The following PRKN variants were observed in gnomAD, a reference collection of about 807,000 sequenced individuals.
PRKN encodes the protein E3 ubiquitin-protein ligase parkin.
Under a neutral mutation model 59.5 loss-of-function variants are expected in PRKN, and 56 were observed. That is an observed-to-expected ratio of 0.94 (90% confidence interval 0.76 to 1.18). The LOEUF is 1.18. Ranked by LOEUF, PRKN falls within the 50% of genes most tolerant of loss-of-function variation. PRKN has a pLI of 0.00. For missense variants in PRKN, 657 were observed against 596.4 expected (o/e 1.10, Z -1.06); for synonymous variants, 250 against 222.1 (o/e 1.13, Z -1.12).
chr6:161,872,492 C>T (rs906151939), intron 6 of PRKN, among the ~76,000 whole-genome samples: 4 of 152,116 alleles, frequency 2.6e-5, no homozygotes, highest in Non-Finnish European at 5.9e-5. Flanking sequence ...ATCAGACATA[C>T]CTCATAGCCA....
At chr6:162,118,759 T>C (rs1780781751) in intron 4 of PRKN, among the ~76,000 whole-genome samples, 1 of 152,218 alleles carries the variant, frequency 6.6e-6, no homozygotes. Context: ...AGCCTACGAT[T>C]CTCTGAATAA....
At chr6:161,408,934 G>C (rs994409867) in intron 9 of PRKN, among the ~76,000 whole-genome samples, 9 of 151,988 alleles carry the variant, frequency 5.9e-5, no homozygotes, top group South Asian at 2.1e-4. Flanking sequence ...TATTAAGGAG[G>C]CCACATTTTA....
chr6:162,011,480 A>ATAT (rs1782708012), intron 5 of PRKN, among the ~76,000 whole-genome samples: 1 of 15,828 alleles, frequency 6.3e-5, no homozygotes, highest in Non-Finnish European at 1.0e-4. Context: ...TATATAATAT[A>ATAT]TTATAATATA....
intron 7 of PRKN, among the ~76,000 whole-genome samples, chr6:161,776,799 A>C (rs572020362): frequency 4.6e-5 from 7 of 152,130 alleles, no homozygotes; most frequent in Non-Finnish European, 8.8e-5. Context: ...ATCTGGGTTA[A>C]ACTCTCAGCT....
chr6:162,204,284 C>G (rs1425400015), intron 3 of PRKN, among the ~76,000 whole-genome samples: 1 of 152,068 alleles, frequency 6.6e-6, no homozygotes, highest in African/African-American at 2.4e-5. Context: ...TCTCGTCAAA[C>G]CAATTTAGGT....
chr6:161,977,579 T>A (rs1222373176), intron 5 of PRKN, among the ~76,000 whole-genome samples: 1 of 148,812 alleles, frequency 6.7e-6, no homozygotes, highest in East Asian at 2.0e-4. Context: ...ACAGAGTCTT[T>A]TCTGTCGCCC....
In PRKN at chr6:161,356,782, T is replaced by C. The variant is rs375822643; in HGVS notation, c.1285+3306A>G. On this transcript the variant is annotated intron_variant, in intron 11 of 11. Transcript: ENST00000366898. The surrounding 1 kb of genome is among the most constrained non-coding windows in gnomAD (Gnocchi z 7.8). ...CAGCTAGCACTCTGCTTTGTGAAAT[T>C]TGAGCTGTCCATTGAACAATCAGTG... is the stretch of plus-strand genomic sequence containing the variant. Among the ~76,000 whole-genome samples the C allele has an allele frequency of 3.3e-5, 5 of 152,092 alleles. No homozygotes were observed. The highest frequency in any genetic ancestry group is 1.2e-4 in the African/African-American group (5 of 41,396).
At chr6:161,780,451 A>T (rs1157956488) in intron 7 of PRKN, among the ~76,000 whole-genome samples, 1 of 152,252 alleles carries the variant, frequency 6.6e-6, no homozygotes, top group African/African-American at 2.4e-5. Flanking sequence ...GGTTATCCCA[A>T]GGGAACAGGG....
At chr6:161,539,276 A>G (rs192516258) in intron 9 of PRKN, among the ~76,000 whole-genome samples, 168 of 152,312 alleles carry the variant, frequency 1.1e-3, no homozygotes, top group Non-Finnish European at 2.0e-3. Flanking sequence ...CAGAGACCCT[A>G]TTTTGCGAAG....
chr6:162,549,842 T>G (rs969341971), intron 1 of PRKN, among the ~76,000 whole-genome samples: 3 of 152,148 alleles, frequency 2.0e-5, no homozygotes, highest in Non-Finnish European at 4.4e-5. Context: ...TTTCACCACG[T>G]TGGCCAGGCT....
At chr6:162,103,788 G>C (rs147294652) in intron 4 of PRKN, among the ~76,000 whole-genome samples, 1 of 152,186 alleles carries the variant, frequency 6.6e-6, no homozygotes. Flanking sequence ...GAGAGTGGCA[G>C]TGTTTAGCAC....
At chr6:162,123,410 A>C (rs1399389681) in intron 4 of PRKN, among the ~76,000 whole-genome samples, 1 of 152,164 alleles carries the variant, frequency 6.6e-6, no homozygotes, top group Non-Finnish European at 1.5e-5. Context: ...ACAAATATAA[A>C]CTTATCAGTT....
At chr6:161,959,249 G>C (rs1780293511) in intron 6 of PRKN, among the ~76,000 whole-genome samples, 1 of 152,146 alleles carries the variant, frequency 6.6e-6, no homozygotes, top group Non-Finnish European at 1.5e-5. Context: ...GTGTGGCCAG[G>C]GATGGCCTCT....
chr6:161,697,882 T>G (rs1173761622), intron 7 of PRKN, among the ~76,000 whole-genome samples: 1 of 152,216 alleles, frequency 6.6e-6, no homozygotes, highest in East Asian at 1.9e-4. Flanking sequence ...TACATTTTTA[T>G]TTTTCATTTT....
chr6:161,398,747 A>C (rs890405690), intron 9 of PRKN, among the ~76,000 whole-genome samples: 1 of 152,154 alleles, frequency 6.6e-6, no homozygotes, highest in Non-Finnish European at 1.5e-5. Context: ...GGCCTCACAG[A>C]GTTCACAGTC....
chr6:162,188,396 C>A (rs895773524), intron 4 of PRKN, among the ~76,000 whole-genome samples: 2 of 152,118 alleles, frequency 1.3e-5, no homozygotes, highest in African/African-American at 2.4e-5. Flanking sequence ...CATTTCCAAC[C>A]CTGCCTCTTC....
chr6:161,702,813 G>C, intron 7 of PRKN, among the ~76,000 whole-genome samples: 1 of 152,156 alleles, frequency 6.6e-6, no homozygotes, highest in East Asian at 1.9e-4. Context: ...ATGACCTGGA[G>C]TTAGGCAAAT....
In PRKN at chr6:161,396,744, T is replaced by C. The variant is rs1786777669; in HGVS notation, c.1084-9867A>G. The stretch of plus-strand genomic sequence containing the variant: ...GGCAATTTGAGCCCAATTTGTCCCA[T>C]GTGCCTGTGGGTATCCTTATGCTCT... On this transcript the variant is annotated intron_variant, in intron 9 of 11. Coordinates refer to ENST00000366898, the MANE Select transcript of PRKN (RefSeq NM_004562.3). The surrounding 1 kb of genome is among the most constrained non-coding windows in gnomAD (Gnocchi z 5.4). Among the ~76,000 whole-genome samples the C allele has an allele frequency of 1.3e-5, 2 of 152,216 alleles. No individual in the cohort carries two copies. The highest frequency in any genetic ancestry group is 1.5e-5 in the Non-Finnish European group (1 of 68,034).
At chr6:161,756,142 A>C (rs143783866) in intron 7 of PRKN, among the ~76,000 whole-genome samples, 37 of 152,294 alleles carry the variant, frequency 2.4e-4, no homozygotes, top group African/African-American at 8.2e-4. Flanking sequence ...TAAACATTGT[A>C]TTTAAGAACA....
Sources: gnomAD v4.1 joint callset for allele counts (sites outside exome capture counted in the v4.1 genomes callset) on GRCh38, gnomAD v4.1.1 for gene constraint, Gnocchi (gnomAD v3.1) non-coding constraint, MANE v1.5 for transcripts, NCBI Gene and HGNC (gene_info 2026-07-23, HGNC 2026-07-21) for gene names.